TPCN2: variants seen among roughly 807,000 people sequenced by gnomAD.
The protein encoded by TPCN2 is two pore channel protein 2.
Under a neutral mutation model 111.4 loss-of-function variants are expected in TPCN2, and 92 were observed. That is an observed-to-expected ratio of 0.83 (90% CI 0.70 to 0.98). TPCN2 has a LOEUF of 0.98. Among genes scored for constraint, TPCN2 ranks in the 50% least tolerant of loss-of-function variants. The pLI is 0.00. For synonymous variants in TPCN2, 405 were observed against 414.5 expected (o/e 0.98, Z 0.28); for missense variants, 995 against 980.1 (o/e 1.02, Z -0.20).
chr11:69,053,538 G>A (rs1190795526), intron 1 of TPCN2, among the ~76,000 whole-genome samples: 1 of 152,150 alleles, frequency 6.6e-6, no homozygotes, highest in Non-Finnish European at 1.5e-5. Flanking sequence ...AGGTAGGGCC[G>A]AGCGGAAGAG....
intron 5 of TPCN2, among the ~76,000 whole-genome samples, chr11:69,058,871 C>CA (rs1298955187): frequency 2.6e-5 from 4 of 152,254 alleles, no homozygotes; most frequent in African/African-American, 9.6e-5. Flanking sequence ...ACGGTTGTGG[C>CA]AGCTGTATCA....
intron 13 of TPCN2, among the ~76,000 whole-genome samples, chr11:69,076,826 CCCT>C (rs1855785101): frequency 2.3e-5 from 3 of 132,622 alleles, no homozygotes; most frequent in Non-Finnish European, 3.1e-5. Flanking sequence ...TGCCCTCCTG[CCCT>C]CGTGCCATGT....
chr11:69,078,080 T>C (rs1855865669), intron 13 of TPCN2, among the ~76,000 whole-genome samples: 1 of 152,120 alleles, frequency 6.6e-6, no homozygotes, highest in South Asian at 2.1e-4. Context: ...CTGCTGCTGC[T>C]GGCCACAGTA....
At chr11:69,077,410 C>T (rs978262273) in intron 13 of TPCN2, among the ~76,000 whole-genome samples, 11 of 151,910 alleles carry the variant, frequency 7.2e-5, no homozygotes, top group East Asian at 1.9e-4. Flanking sequence ...CCAGCCCCTC[C>T]GCTAAGAAAG....
At chr11:69,067,450 G>T (rs1407378507) in intron 7 of TPCN2, 53 bp from the exon 8 acceptor site, 4 of 1,538,234 alleles carry the variant, frequency 2.6e-6, no homozygotes, top group Non-Finnish European at 3.6e-6. Context: ...CTGGAGCTCA[G>T]CCTGTGGGGT....
intron 9 of TPCN2, 95 bp from the exon 10 acceptor site, chr11:69,071,261 G>C: frequency 1.1e-6 from 1 of 919,778 alleles, no homozygotes; most frequent in Non-Finnish European, 1.8e-6. Flanking sequence ...GATAGGGGAC[G>C]CCCCCGGCGC....
At chr11:69,079,494 A>G (rs913107448) in intron 16 of TPCN2, 1 of 302,168 alleles carries the variant, frequency 3.3e-6, no homozygotes, top group Non-Finnish European at 6.1e-6. Flanking sequence ...AAGCAGCCAC[A>G]TGAGAGTGAC....
At chr11:69,077,631 G>A (rs1170516331) in intron 13 of TPCN2, among the ~76,000 whole-genome samples, 4 of 152,216 alleles carry the variant, frequency 2.6e-5, no homozygotes, top group Non-Finnish European at 4.4e-5. Context: ...TCAGGCATTT[G>A]TAGTTACCTG....
chr11:69,057,012 A>G (rs1334664149), intron 4 of TPCN2, among the ~76,000 whole-genome samples: 5 of 148,886 alleles, frequency 3.4e-5, no homozygotes, highest in Non-Finnish European at 1.5e-5. Context: ...TAATTTTTCT[A>G]TTTTTGGTGG....
At chr11:69,067,378 A>G (rs972516389) in intron 7 of TPCN2, 125 bp from the exon 8 acceptor site, 7 of 836,542 alleles carry the variant, frequency 8.4e-6, no homozygotes, top group Admixed American at 3.9e-5. Context: ...GCCTGCTGGG[A>G]GGCCACAGGG....
chr11:69,084,791 G>T (rs1442490307), intron 19 of TPCN2: 5 of 985,338 alleles, frequency 5.1e-6, no homozygotes, highest in Non-Finnish European at 6.0e-6. Flanking sequence ...CTTGCCTCAG[G>T]TGCTGTCTGC....
At position 69,087,915 on chromosome 11, in the gene TPCN2, A is replaced by G. The variant is rs1856349300; in HGVS notation, c.2221A>G (p.Arg741Gly). The G allele has an allele frequency of 6.2e-7, 1 of 1,612,166 alleles. No individual in the cohort carries two copies. The highest frequency in any genetic ancestry group is 1.1e-5 in the South Asian group (1 of 90,866). ...EEPGEDELTE[R>G]LSQHPHLWLC... ...GCCCGGGGAGGATGAGCTCACAGAG[A>G]GGCTGAGCCAGCACCCGCACCTGTG... Residue 741 changes from arginine (R) to glycine (G), a missense_variant, in exon 25 of 25, where the codon AGG becomes GGG. Transcript: ENST00000294309.
At chr11:69,049,622 C>T (rs1347467609) in intron 1 of TPCN2, among the ~76,000 whole-genome samples, 1 of 152,086 alleles carries the variant, frequency 6.6e-6, no homozygotes, top group Non-Finnish European at 1.5e-5. Context: ...CAGTTGGGAG[C>T]TAGGAGTCCT....
At chr11:69,060,313 G>A (rs1288847756) in intron 5 of TPCN2, among the ~76,000 whole-genome samples, 1 of 152,240 alleles carries the variant, frequency 6.6e-6, no homozygotes. Flanking sequence ...TTCCGGCTGG[G>A]CCGGCTATCA....
Position 69,067,488 on chromosome 11 carries a change from C to T in TPCN2, c.727-15C>T, listed in dbSNP as rs552399748. 2.2e-5 allele frequency: 35 copies of T among 1,609,896 alleles called. No homozygotes were observed. The highest frequency in any genetic ancestry group is 4.5e-5 in the East Asian group (2 of 44,876). On this transcript the variant is annotated splice_polypyrimidine_tract_variant and intron_variant, in intron 7 of 24. Coordinates refer to ENST00000294309, the MANE Select transcript of TPCN2 (RefSeq NM_139075.4). The stretch of plus-strand genomic sequence containing the variant: ...GGACCCAGTGGTGCCCTGGAGCTGC[C>T]GCTTCTGCTCTTAGCAGGATGATGG...
chr11:69,055,693 C>A (rs1026854475), intron 4 of TPCN2, among the ~76,000 whole-genome samples: 3 of 151,576 alleles, frequency 2.0e-5, no homozygotes, highest in African/African-American at 7.3e-5. Flanking sequence ...CTCCACCATG[C>A]AAACTGAGCC....
chr11:69,053,028 G>A lies in TPCN2; in HGVS notation c.110-1005G>A, dbSNP rs115034527. The stretch of plus-strand genomic sequence containing the variant: ...CAGAGGTGGCCCGTGCCTACGATGC[G>A]GGTGGGTGGCCCAGGCTCCCTGCAG... On this transcript the variant is annotated intron_variant, in intron 1 of 24. Coordinates refer to ENST00000294309, the MANE Select transcript of TPCN2 (RefSeq NM_139075.4). Among the ~76,000 whole-genome samples, 444 of 152,344 alleles carry A rather than the reference G, an allele frequency of 2.9e-3. 3 individuals are homozygous for A. The highest frequency in any genetic ancestry group is 0.01 in the African/African-American group (418 of 41,584).
At chr11:69,071,824 C>T (rs1855550783) in intron 10 of TPCN2, 99 bp from the exon 11 acceptor site, 2 of 1,164,764 alleles carry the variant, frequency 1.7e-6, no homozygotes, top group Middle Eastern at 2.0e-4. Context: ...CCAAGGCTGC[C>T]CAGACTCCCC....
chr11:69,054,895 C>A, intron 3 of TPCN2, 98 bp downstream of exon 3: 1 of 1,258,244 alleles, frequency 7.9e-7, no homozygotes, highest in South Asian at 1.3e-5. Context: ...AGGGTCCAGG[C>A]AGGCTCCCCA....
Sources: gnomAD v4.1 joint callset for allele counts (sites outside exome capture counted in the v4.1 genomes callset) on GRCh38, gnomAD v4.1.1 for gene constraint, MANE v1.5 for transcripts, NCBI Gene and HGNC (gene_info 2026-07-23, HGNC 2026-07-21) for gene names.